Variants in RYK observed in about 807,000 individuals in gnomAD.
RYK encodes the protein inactive tyrosine-protein kinase RYK.
RYK carries 21 observed loss-of-function variants against 70.2 expected under a neutral mutation model. The observed-to-expected ratio is 0.30, with a 90% CI of 0.21 to 0.43. RYK has a LOEUF of 0.43. Among genes scored for constraint, RYK ranks in the 20% least tolerant of loss-of-function variants. RYK has a pLI of 1.00. For synonymous variants in RYK, 267 were observed against 278.0 expected (o/e 0.96, Z 0.39); for missense variants, 604 against 753.3 (o/e 0.80, Z 2.32).
chr3:134,166,307 A>G (rs1372506536), intron 13 of RYK, among the ~76,000 whole-genome samples: 12 of 152,178 alleles, frequency 7.9e-5, no homozygotes, highest in Non-Finnish European at 1.0e-4. Flanking sequence ...TTTATGAACC[A>G]GGAAAGGGGC....
At chr3:134,163,888 G>C (rs1251365798) in intron 13 of RYK, among the ~76,000 whole-genome samples, 2 of 152,232 alleles carry the variant, frequency 1.3e-5, no homozygotes, top group Non-Finnish European at 2.9e-5. Flanking sequence ...CCTGGGTTAA[G>C]TGTTTTATAA....
At chr3:134,190,528 ATC>A (rs2013613581) in intron 8 of RYK, among the ~76,000 whole-genome samples, 1 of 147,260 alleles carries the variant, frequency 6.8e-6, no homozygotes. Flanking sequence ...CCTAGAAATT[ATC>A]TTTTTACTTT....
At chr3:134,163,387 G>A (rs963883757) in intron 13 of RYK, among the ~76,000 whole-genome samples, 6 of 152,122 alleles carry the variant, frequency 3.9e-5, no homozygotes, top group Non-Finnish European at 7.4e-5. Flanking sequence ...GTGGAAAGGG[G>A]GCAATAAGAA....
At chr3:134,201,868 A>G (rs1038535662) in intron 6 of RYK, among the ~76,000 whole-genome samples, 1 of 152,202 alleles carries the variant, frequency 6.6e-6, no homozygotes, top group Non-Finnish European at 1.5e-5. Flanking sequence ...CAGCAACTGG[A>G]AATCACAGAG....
chr3:134,186,020 T>C (rs1305787285), intron 9 of RYK, among the ~76,000 whole-genome samples: 1 of 152,222 alleles, frequency 6.6e-6, no homozygotes, highest in Non-Finnish European at 1.5e-5. Context: ...CTTCAAGATG[T>C]ACACATTTGA....
chr3:134,177,029 G>C (rs1386661033), intron 11 of RYK, among the ~76,000 whole-genome samples: 2 of 151,538 alleles, frequency 1.3e-5, no homozygotes, highest in South Asian at 4.2e-4. Flanking sequence ...CTGGGCGACA[G>C]AGCGAGACTC....
At chr3:134,216,242 T>C (rs2014548339) in intron 2 of RYK, among the ~76,000 whole-genome samples, 1 of 152,136 alleles carries the variant, frequency 6.6e-6, no homozygotes, top group Admixed American at 6.5e-5. Flanking sequence ...TTAAAGTGAA[T>C]ACACTTGTCT....
At chr3:134,167,366 C>G (rs1343536022) in intron 13 of RYK, among the ~76,000 whole-genome samples, 17 of 152,054 alleles carry the variant, frequency 1.1e-4, no homozygotes. Context: ...CTACAGTAAC[C>G]AAAACAGCAT....
In RYK at chr3:134,181,305, T is replaced by C. The variant is rs550152225; in HGVS notation, c.1172+1697A>G. ...CAATATTCCAACTGTTTCTTTCCCT[T>C]CTGCTACTGAGATTATCAACTTTTA... On this transcript the variant is annotated intron_variant, in intron 10 of 14. Transcript: ENST00000623711. 10 of 152,364 alleles carry C rather than the reference T, an allele frequency of 6.6e-5. No homozygotes were observed. The East Asian group carries it at 1.7e-3, about 26-fold the overall frequency. 9.4% of individuals were successfully genotyped at this position (152,364 alleles called of 1,614,324 possible).
intron 7 of RYK, 115 bp downstream of exon 7, chr3:134,194,967 T>C: frequency 1.5e-6 from 1 of 684,876 alleles, no homozygotes; most frequent in Non-Finnish European, 2.5e-6. Context: ...TAATTTTGCA[T>C]ACTTTAGATA....
rs2013653690 is a variant in RYK, at chr3:134,191,938, C to T, written c.926G>A (p.Arg309Lys). 6.2e-7 allele frequency: 1 copy of T among 1,613,488 alleles called. No individual in the cohort carries two copies. The highest frequency in any genetic ancestry group is 8.5e-7 in the Non-Finnish European group (1 of 1,179,664). ...PTLRIEKNDL[R>K]SVTLLEAKGK... is the part of the protein sequence containing the mutation. ...TTTGGCCTCCAAAAGAGTGACACTT[C>T]TCAAGTCGTTCTTCTCTATCCGCAA... Residue 309 changes from arginine (R) to lysine (K), a missense_variant, in exon 8 of 15, where the codon AGA (arginine) becomes AAA (lysine). By Grantham distance (26) the Arg-to-Lys change is conservative (BLOSUM62 2). Coordinates refer to ENST00000623711, the MANE Select transcript of RYK (RefSeq NM_002958.4).
intron 2 of RYK, among the ~76,000 whole-genome samples, chr3:134,214,860 T>A (rs1416056948): frequency 6.6e-6 from 1 of 152,230 alleles, no homozygotes; most frequent in Non-Finnish European, 1.5e-5. Flanking sequence ...AGAGCATCTA[T>A]TCTTTTCATT....
intron 1 of RYK, among the ~76,000 whole-genome samples, chr3:134,230,853 A>G (rs1279187421): frequency 6.6e-6 from 1 of 152,180 alleles, no homozygotes; most frequent in East Asian, 1.9e-4. Flanking sequence ...TAAAAGATGG[A>G]AAAAAGGAAT....
Position 134,250,517 on chromosome 3 carries a change from G to GGCGGCA in RYK, c.132_137dup (p.Ala46_Ala47dup), listed in dbSNP as rs1362637465. The GGCGGCA allele has an allele frequency of 1.6e-6, 2 of 1,232,144 alleles. No homozygotes were observed. Among genetic ancestry groups the GGCGGCA allele is most frequent in the Non-Finnish European group, 2.0e-6 (2 of 984,182 alleles). 76.3% of individuals were successfully genotyped at this position (1,232,144 alleles called of 1,614,324 possible). Reference sequence around the variant, plus strand: ...GCTCCGGGGGCCGCGGGGCGGGGGCGGCGGCAGCGCCAGGCGCGGGCAGCA... The same window carrying GGCGGCA: ...GCTCCGGGGGCCGCGGGGCGGGGGCGGCGGCAGCGGCAGCGCCAGGCGCGGGCAGCA... On this transcript the variant is annotated inframe_insertion, in exon 1 of 15. Transcript: ENST00000623711.
chr3:134,250,536 GGCAGCAGCGGCAACAGCGCAAGCAGAA>G lies in RYK; in HGVS notation c.92_118del (p.Leu31_Leu39del). ...GGGGGCGGCGGCAGCGCCAGGCGCG[GGCAGCAGCGGCAACAGCGCAAGCAGAA>G]GCAGCAGCGGCGGCGGCGGCGGGGC... On this transcript the variant is annotated inframe_deletion, in exon 1 of 15. Transcript: ENST00000623711. 8.6e-7 allele frequency: 1 copy of G among 1,168,232 alleles called. No individual in the cohort carries two copies. The highest frequency in any genetic ancestry group is 1.1e-6 in the Non-Finnish European group (1 of 935,208). The allele number at this position is 1,168,232 out of a possible 1,614,324, so 72.4% of individuals were successfully genotyped here. A position where few individuals can be genotyped will look rare whatever the true frequency, so the allele number is the denominator to read the frequency against.
At chr3:134,191,813 T>A (rs770776836) in intron 8 of RYK, 36 bp downstream of exon 8, 42 of 1,561,102 alleles carry the variant, frequency 2.7e-5, no homozygotes, top group Non-Finnish European at 3.5e-5. Context: ...TAACATTAAA[T>A]CATACTTAAA....
rs1431937807 is a variant in RYK, at chr3:134,222,501, T to C, written c.271A>G (p.Ile91Val). The stretch of plus-strand genomic sequence containing the variant: ...CTAAAGGATAGAGCGTAGTGACTAA[T>C]AAGGTCATTTCTCACATAATAAAGT... The part of the protein sequence containing the change: ...AELYYVRNDL[I>V]SHYALSFSLL... Residue 91 changes from isoleucine (I) to valine (V), a missense_variant, in exon 2 of 15, where the codon ATT becomes GTT. Transcript: ENST00000623711. The C allele has an allele frequency of 6.2e-7, 1 of 1,612,704 alleles. No homozygotes were observed. Among genetic ancestry groups the C allele is most frequent in the East Asian group, 2.2e-5 (1 of 44,864 alleles).
intron 11 of RYK, among the ~76,000 whole-genome samples, chr3:134,176,286 C>T (rs951325820): frequency 2.0e-5 from 3 of 152,220 alleles, no homozygotes; most frequent in Non-Finnish European, 4.4e-5. Flanking sequence ...AGATGTATCT[C>T]CCCAATATCC....
chr3:134,158,626 G>A (rs144857915), intron 14 of RYK, among the ~76,000 whole-genome samples: 42 of 152,326 alleles, frequency 2.8e-4, no homozygotes, highest in African/African-American at 1.0e-3. Context: ...CCTGGATCTA[G>A]AGTAAAATCA....
Sources: allele counts gnomAD v4.1 joint callset (sites outside exome capture counted in the v4.1 genomes callset), GRCh38; gene constraint gnomAD v4.1.1; transcripts MANE v1.5; gene names NCBI Gene and HGNC (gene_info 2026-07-23, HGNC 2026-07-21).